The following PLPP7 variants were observed in gnomAD, a reference collection of about 807,000 sequenced individuals.
PLPP7 encodes phospholipid phosphatase 7 (inactive), also known as inactive phospholipid phosphatase 7.
PLPP7 carries 11 observed loss-of-function variants against 16.9 expected under a neutral mutation model. The observed-to-expected ratio is 0.65, with a 90% CI of 0.41 to 1.08. The LOEUF (loss-of-function observed/expected upper bound fraction) is 1.08. PLPP7 is among the 50% of genes least tolerant of loss of function. The pLI, the probability that PLPP7 is intolerant of heterozygous loss-of-function variation, is 0.00. For missense variants in PLPP7, 358 were observed against 397.1 expected (o/e 0.90, Z 0.84); for synonymous variants, 174 against 175.1 (o/e 0.99, Z 0.05).
Position 131,308,295 on chromosome 9 carries a change from G to T in PLPP7, c.*8G>T. The T allele has an allele frequency of 6.3e-7, 1 of 1,577,020 alleles. No homozygotes were observed. Among genetic ancestry groups the T allele is most frequent in the African/African-American group, 1.3e-5 (1 of 74,732 alleles). On this transcript the variant is annotated 3_prime_UTR_variant, in exon 2 of 2. Transcript: ENST00000372264. Reference sequence around the variant, plus strand: ...CTCATCTCTGCCTGGTGAAGCGCCCGCCGGCCCACACAAGCCTCTGGGGGC... The same window carrying T: ...CTCATCTCTGCCTGGTGAAGCGCCCTCCGGCCCACACAAGCCTCTGGGGGC...
At chr9:131,292,678 C>T in intron 1 of PLPP7, 1 of 405,040 alleles carries the variant, frequency 2.5e-6, no homozygotes, top group Non-Finnish European at 3.3e-6. Context: ...AACTTACCCA[C>T]AGTCAGTGGA....
chr9:131,293,125 A>G (rs1001223555), intron 1 of PLPP7: 3 of 267,388 alleles, frequency 1.1e-5, no homozygotes, highest in African/African-American at 6.9e-5. Flanking sequence ...ACTGAGGCTC[A>G]GAAAGCTCAA....
At chr9:131,306,065 G>A (rs563369719) in intron 1 of PLPP7, among the ~76,000 whole-genome samples, 2 of 151,934 alleles carry the variant, frequency 1.3e-5, no homozygotes, top group South Asian at 2.1e-4. Context: ...ATGAAACCCC[G>A]TCTCTACTAA....
At chr9:131,305,303 A>C (rs750489743) in intron 1 of PLPP7, among the ~76,000 whole-genome samples, 1 of 152,214 alleles carries the variant, frequency 6.6e-6, no homozygotes, top group Non-Finnish European at 1.5e-5. Flanking sequence ...GAATCCCAGC[A>C]CTTTGGGAGG....
chr9:131,292,693 CT>C (rs748648615), intron 1 of PLPP7: 1 of 564,776 alleles, frequency 1.8e-6, no homozygotes, highest in Non-Finnish European at 2.2e-6. Context: ...AGTGGATGCT[CT>C]AGTAAGGGGG....
intron 1 of PLPP7, among the ~76,000 whole-genome samples, chr9:131,307,521 C>T (rs1320526919): frequency 7.2e-6 from 1 of 138,776 alleles, no homozygotes; most frequent in Non-Finnish European, 1.5e-5. Context: ...CTCTGCACTC[C>T]AGCCTGGTTG....
chr9:131,300,971 T>C (rs900465455), intron 1 of PLPP7, among the ~76,000 whole-genome samples: 5 of 151,650 alleles, frequency 3.3e-5, no homozygotes, highest in African/African-American at 1.2e-4. Flanking sequence ...TATGTATTTA[T>C]TTATTTATTT....
At chr9:131,291,143 G>T in intron 1 of PLPP7, 1 of 1,366,426 alleles carries the variant, frequency 7.3e-7, no homozygotes, top group Non-Finnish European at 9.8e-7. Flanking sequence ...TGCCACGTGG[G>T]GCCCATGTGG....
In PLPP7 at chr9:131,295,159, CTT is replaced by C. The variant is rs1554750634; in HGVS notation, c.451+4722_451+4723del. On this transcript the variant is annotated intron_variant, in intron 1 of 1. Transcript: ENST00000372264. This position sits in a 1 kb window ranked among gnomAD's most constrained non-coding sequence, Gnocchi z 4.0. Reference sequence around the variant, plus strand: ...GAGATTTTCCTGAATATGAAAACTACTTTTTTTTTTTTGAGACGGAGTCTCGC... The same window carrying C: ...GAGATTTTCCTGAATATGAAAACTACTTTTTTTTTTGAGACGGAGTCTCGC... 1.4e-5 allele frequency among the ~76,000 whole-genome samples: 2 copies of C among 146,030 alleles called. No homozygotes were observed. The highest frequency in any genetic ancestry group is 2.5e-5 in the African/African-American group (1 of 40,026).
At chr9:131,296,679 T>C (rs866596323) in intron 1 of PLPP7, among the ~76,000 whole-genome samples, 25 of 152,302 alleles carry the variant, frequency 1.6e-4, no homozygotes, top group Admixed American at 3.9e-4. Flanking sequence ...TGCCCCTGGA[T>C]TTTTCCCCGT....
Position 131,307,956 on chromosome 9 carries a change from TGC to T in PLPP7, c.486_487del (p.Gln163GlufsTer125), listed in dbSNP as rs1266745568. The stretch of plus-strand genomic sequence containing the variant: ...CTGGACATCATGACGGTGGCCGGCG[TGC>T]AGAAGCTCATCAAGCGGCGCGGCCC... On this transcript the variant is annotated frameshift_variant, in exon 2 of 2. Coordinates refer to ENST00000372264, the MANE Select transcript of PLPP7 (RefSeq NM_032728.4). LOFTEE classifies it low-confidence loss of function (END_TRUNC). The T allele has an allele frequency of 6.3e-7, 1 of 1,597,108 alleles. No individual in the cohort carries two copies. Among genetic ancestry groups the T allele is most frequent in the Non-Finnish European group, 8.5e-7 (1 of 1,178,168 alleles).
rs780624784 is a variant in PLPP7 at position 131,289,989 on chromosome 9, G to A, written c.-9G>A. The A allele has an allele frequency of 6.3e-6, 9 of 1,430,434 alleles. No individual in the cohort carries two copies. The highest frequency in any genetic ancestry group is 5.4e-5 in the Admixed American group (2 of 37,262). The allele number at this position is 1,430,434 out of a possible 1,614,324, so 88.6% of individuals were successfully genotyped here. On this transcript the variant is annotated 5_prime_UTR_variant, in exon 1 of 2. Coordinates refer to ENST00000372264, the MANE Select transcript of PLPP7 (RefSeq NM_032728.4). ...TGGCATCGGCCTTCTCGGGGTGAGC[G>A]AGGTCACCATGCCAGCTTCCCAGAG...
At chr9:131,301,557 G>A (rs1835798342) in intron 1 of PLPP7, among the ~76,000 whole-genome samples, 1 of 152,210 alleles carries the variant, frequency 6.6e-6, no homozygotes, top group Admixed American at 6.5e-5. Context: ...TGGAACCTGG[G>A]CCAGACAATT....
At chr9:131,305,027 C>G (rs1020198704) in intron 1 of PLPP7, among the ~76,000 whole-genome samples, 2 of 151,950 alleles carry the variant, frequency 1.3e-5, no homozygotes, top group Non-Finnish European at 2.9e-5. Context: ...ATCTTGTCCT[C>G]TATAAAGGGG....
chr9:131,306,743 G>A (rs1287423129), intron 1 of PLPP7, among the ~76,000 whole-genome samples: 1 of 152,186 alleles, frequency 6.6e-6, no homozygotes. Context: ...CTAGAGGAAA[G>A]CAGATTGGTG....
In PLPP7 at chr9:131,308,526, A is replaced by G. The variant is rs2483476; in HGVS notation, c.*239A>G. 0.71 allele frequency: 464,519 copies of G among 650,442 alleles called. 168,386 individuals carry two copies. Among genetic ancestry groups the G allele is most frequent in the Middle Eastern group, 0.78 (1,753 of 2,258 alleles). 40.3% of individuals were successfully genotyped at this position (650,442 alleles called of 1,614,324 possible). On this transcript the variant is annotated 3_prime_UTR_variant, in exon 2 of 2. Coordinates refer to ENST00000372264, the MANE Select transcript of PLPP7 (RefSeq NM_032728.4). ...TGCTTGGACTCCAAGTCTCCTCTCTAGGCAGCCAGGACCCACCCATGGGGA... is the reference window on the plus strand; with the variant it reads ...TGCTTGGACTCCAAGTCTCCTCTCTGGGCAGCCAGGACCCACCCATGGGGA...
chr9:131,290,315 G>C lies in PLPP7; in HGVS notation c.318G>C (p.Trp106Cys). The C allele has an allele frequency of 6.2e-7, 1 of 1,611,838 alleles. No individual in the cohort carries two copies. The highest frequency in any genetic ancestry group is 2.2e-5 in the East Asian group (1 of 44,834). The change falls in exon 1 of 2, where the codon TGG becomes TGC. Residue 106 changes from tryptophan (W) to cysteine (C), a missense_variant. Trp to Cys is a radical substitution (Grantham distance 215). Transcript: ENST00000372264. The surrounding 1 kb of genome is among the most constrained non-coding windows in gnomAD (Gnocchi z 4.2). ...TGTGCGCTGGCCGGGCGGCGTCCTG[G>C]GCCAGTGCCCGCTCCATGGTCAAGC... ...LGVCAGRAASWASARSMVKLI... is the reference protein window; with the variant it reads ...LGVCAGRAASCASARSMVKLI...
chr9:131,297,327 A>G (rs1486748641), intron 1 of PLPP7, among the ~76,000 whole-genome samples: 1 of 151,600 alleles, frequency 6.6e-6, no homozygotes, highest in African/African-American at 2.4e-5. Context: ...GATGATCCTG[A>G]GTGCTTTGCA....
intron 1 of PLPP7, among the ~76,000 whole-genome samples, chr9:131,297,412 G>A (rs141109496): frequency 0.015 from 2,119 of 145,078 alleles, 19 homozygotes; most frequent in Middle Eastern, 0.056. Flanking sequence ...TCTGAAGAGA[G>A]TCTTGCTCTG....
Sources: allele counts gnomAD v4.1 joint callset (sites outside exome capture counted in the v4.1 genomes callset), GRCh38; gene constraint gnomAD v4.1.1; non-coding constraint Gnocchi (gnomAD v3.1); transcripts MANE v1.5; gene names NCBI Gene and HGNC (gene_info 2026-07-23, HGNC 2026-07-21).